The following ATRN variants were observed in gnomAD, a reference collection of about 807,000 sequenced individuals.
ATRN encodes the protein attractin-2.
A neutral mutation model predicts 178.7 loss-of-function variants in ATRN; 54 were observed. The observed-to-expected ratio is 0.30, with a 90% CI of 0.24 to 0.38. The LOEUF (loss-of-function observed/expected upper bound fraction) is 0.38, where lower values mean the gene tolerates loss of function less well. Among genes scored for constraint, ATRN ranks in the 10% least tolerant of loss-of-function variants. The pLI is 1.00. For synonymous variants in ATRN, 636 were observed against 663.0 expected, an observed-to-expected ratio of 0.96 and a Z score of 0.63; for missense variants, 1,443 against 1,815.1, an observed-to-expected ratio of 0.79 and a Z score of 3.73.
At chr20:3,498,780 G>A (rs1186502775) in intron 1 of ATRN, among the ~76,000 whole-genome samples, 24 of 147,744 alleles carry the variant, frequency 1.6e-4, no homozygotes, top group African/African-American at 4.6e-4. Flanking sequence ...CACAAGTCAG[G>A]GATGCCCTCT....
At chr20:3,609,587 C>T (rs1201444792) in intron 24 of ATRN, among the ~76,000 whole-genome samples, 11 of 152,060 alleles carry the variant, frequency 7.2e-5, no homozygotes, top group Admixed American at 3.3e-4. Context: ...ATGCTCGCAG[C>T]GTCTGTGTTC....
chr20:3,523,954 G>A (rs1439677953), intron 1 of ATRN, among the ~76,000 whole-genome samples: 2 of 152,176 alleles, frequency 1.3e-5, no homozygotes, highest in Non-Finnish European at 2.9e-5. Context: ...ACCAGCCACT[G>A]TAAAAACATA....
intron 26 of ATRN, among the ~76,000 whole-genome samples, chr20:3,637,255 AT>A (rs2087032025): frequency 6.6e-6 from 1 of 152,156 alleles, no homozygotes; most frequent in Non-Finnish European, 1.5e-5. Context: ...TGTAGAAGCA[AT>A]GATTTGATGT....
chr20:3,561,323 A>AAAACAAAC (rs367861969), intron 8 of ATRN, among the ~76,000 whole-genome samples: 9 of 152,046 alleles, frequency 5.9e-5, no homozygotes, highest in Admixed American at 4.6e-4. Flanking sequence ...ACTCCGTCTC[A>AAAACAAAC]AAACAAACAA....
chr20:3,577,033 C>T, intron 14 of ATRN, 36 bp downstream of exon 14: 1 of 1,607,930 alleles, frequency 6.2e-7, no homozygotes, highest in South Asian at 1.1e-5. Context: ...GTGTGTGGGT[C>T]CATTACTTCA....
rs1364769065 is a variant in ATRN at position 3,563,381 on chromosome 20, A to G, written c.1786+18A>G. Reference sequence around the variant, plus strand: ...TGACATTGGTAAGTTTCCCAAAACCATTTTCTCTTCAGGCATCTTTTTGCC... The same window carrying G: ...TGACATTGGTAAGTTTCCCAAAACCGTTTTCTCTTCAGGCATCTTTTTGCC... On this transcript the variant is annotated intron_variant, in intron 10 of 28. Transcript: ENST00000262919. 1.2e-6 allele frequency: 2 copies of G among 1,609,546 alleles called. No homozygotes were observed. Among genetic ancestry groups the G allele is most frequent in the African/African-American group, 1.3e-5 (1 of 74,842 alleles).
At chr20:3,623,172 A>G (rs931888816) in intron 24 of ATRN, among the ~76,000 whole-genome samples, 3 of 152,224 alleles carry the variant, frequency 2.0e-5, no homozygotes, top group African/African-American at 7.2e-5. Flanking sequence ...CCTTGTTTAT[A>G]TAATTCTCCA....
chr20:3,595,646 CATG>C (rs2146278628), intron 20 of ATRN, among the ~76,000 whole-genome samples: 1 of 152,344 alleles, frequency 6.6e-6, no homozygotes, highest in African/African-American at 2.4e-5. Flanking sequence ...GCAACAAAGA[CATG>C]AGGTGGCATC....
chr20:3,622,983 A>G (rs1312850222), intron 24 of ATRN, among the ~76,000 whole-genome samples: 1 of 152,220 alleles, frequency 6.6e-6, no homozygotes, highest in East Asian at 1.9e-4. Context: ...CTTAGCATCC[A>G]GTGGTTTTTG....
intron 3 of ATRN, 54 bp downstream of exon 3, chr20:3,540,389 T>A: frequency 8.6e-7 from 1 of 1,165,112 alleles, no homozygotes; most frequent in South Asian, 1.3e-5. Flanking sequence ...AATTTAAACA[T>A]ATCTTCTGGA....
intron 5 of ATRN, among the ~76,000 whole-genome samples, chr20:3,547,948 C>G (rs1382587561): frequency 6.6e-6 from 1 of 152,040 alleles, no homozygotes; most frequent in Non-Finnish European, 1.5e-5. Context: ...GTGATAATAA[C>G]TGTTATTAAT....
rs574277715 is a variant in ATRN at position 3,562,216 on chromosome 20, T to C, written c.1448-60T>C. The C allele has an allele frequency of 8.4e-6, 12 of 1,424,074 alleles. No individual in the cohort carries two copies. The African/African-American group carries it at 1.6e-4, about 19-fold the overall frequency. The allele number at this position is 1,424,074 out of a possible 1,614,324, so 88.2% of individuals were successfully genotyped here. A position where few individuals can be genotyped will look rare whatever the true frequency, so the allele number is the denominator to read the frequency against. The stretch of plus-strand genomic sequence containing the variant: ...TCTCATGCCCTAAGCTCTTTGGACA[T>C]TTTCAGTAGTAGAGAGGAGGAGCCT... On this transcript the variant is annotated intron_variant, in intron 8 of 28. Coordinates refer to ENST00000262919, the MANE Select transcript of ATRN (RefSeq NM_139321.3).
chr20:3,630,952 TTTTTTTTTTTTTG>T (rs2086985596), intron 25 of ATRN, among the ~76,000 whole-genome samples: 1 of 77,030 alleles, frequency 1.3e-5, no homozygotes, highest in African/African-American at 5.0e-5. Context: ...TTTTTTTTTT[TTTTTTTTTTTTTG>T]GGATAGGGTC....
rs537253021 is a variant in ATRN at position 3,560,564 on chromosome 20, T to C, written c.1204-98T>C. 282 of 1,105,624 alleles carry C rather than the reference T, an allele frequency of 2.6e-4. 1 individual carries two copies. The African/African-American group carries it at 3.8e-3, about 15-fold the overall frequency. The allele number at this position is 1,105,624 out of a possible 1,614,324, so 68.5% of individuals were successfully genotyped here. On this transcript the variant is annotated intron_variant, in intron 7 of 28. Transcript: ENST00000262919. ...CTATTTTTAGTTTCTTGACTAACCT[T>C]TTTTAAGCTGAGAATAATATTGAGC... is the stretch of plus-strand genomic sequence containing the variant.
At chr20:3,472,357 G>A (rs1203095655) in intron 1 of ATRN, among the ~76,000 whole-genome samples, 1 of 152,164 alleles carries the variant, frequency 6.6e-6, no homozygotes, top group Admixed American at 6.5e-5. Flanking sequence ...GATAATGTGC[G>A]CACATAACCC....
chr20:3,515,267 T>C (rs1423830053), intron 1 of ATRN, among the ~76,000 whole-genome samples: 1 of 139,244 alleles, frequency 7.2e-6, no homozygotes, highest in African/African-American at 2.7e-5. Context: ...GGTGTTACCA[T>C]TCTAGAGATG....
chr20:3,491,084 T>C, intron 1 of ATRN: 1 of 716,686 alleles, frequency 1.4e-6, no homozygotes, highest in South Asian at 1.6e-5. Context: ...AGTGGACTTT[T>C]TGCACCTTTC....
intron 8 of ATRN, among the ~76,000 whole-genome samples, chr20:3,561,824 C>T (rs2085956753): frequency 6.6e-6 from 1 of 152,184 alleles, no homozygotes. Flanking sequence ...ATGCCCTGTC[C>T]TCAAGTGATC....
At chr20:3,478,576 G>A (rs886500423) in intron 1 of ATRN, among the ~76,000 whole-genome samples, 6 of 152,138 alleles carry the variant, frequency 3.9e-5, no homozygotes, top group African/African-American at 1.4e-4. Context: ...AGGAGAAATA[G>A]CTAATGTAGA....
Sources: gnomAD v4.1 joint callset for allele counts (sites outside exome capture counted in the v4.1 genomes callset) on GRCh38, gnomAD v4.1.1 for gene constraint, MANE v1.5 for transcripts, NCBI Gene and HGNC (gene_info 2026-07-23, HGNC 2026-07-21) for gene names.